The following ZNF567 variants were observed in gnomAD, a reference collection of about 807,000 sequenced individuals.
The protein encoded by ZNF567 is zinc finger protein 567.
Under a neutral mutation model 53.9 loss-of-function variants are expected in ZNF567, and 36 were observed. That is an observed-to-expected ratio of 0.67 (90% CI 0.51 to 0.88). ZNF567 has a LOEUF of 0.88. ZNF567 is among the 40% of genes least tolerant of loss of function. The pLI, the probability that ZNF567 is intolerant of heterozygous loss-of-function variation, is 0.00. For missense variants in ZNF567, 619 were observed against 764.7 expected (o/e 0.81, Z 2.25); for synonymous variants, 224 against 260.4 (o/e 0.86, Z 1.35).
chr19:36,724,894 C>T (rs2040329569), downstream of ZNF567, among the ~76,000 whole-genome samples: 1 of 150,966 alleles, frequency 6.6e-6, no homozygotes, highest in African/African-American at 2.4e-5. Flanking sequence ...ATATTCTTTC[C>T]ATCACTTATT....
At position 36,720,314 on chromosome 19, in the gene ZNF567, G is replaced by GA; in HGVS notation, c.1593dup (p.Pro532ThrfsTer5). 3 of 1,614,094 alleles carry GA rather than the reference G, an allele frequency of 1.9e-6. No homozygotes were observed. Among genetic ancestry groups the GA allele is most frequent in the Non-Finnish European group, 2.5e-6 (3 of 1,180,012 alleles). On this transcript the variant is annotated frameshift_variant, in exon 6 of 6. Transcript: ENST00000682579. LOFTEE classifies it high-confidence loss of function. Reference sequence around the variant, plus strand: ...TACATCAGAGAATTCATACAGGGGAGAAACCCTATGTTTGTAATGAATGTG... The same window carrying GA: ...TACATCAGAGAATTCATACAGGGGAGAAAACCCTATGTTTGTAATGAATGTG...
chr19:36,667,497 C>T, the ZNF567 span, among the ~76,000 whole-genome samples: 1 of 151,890 alleles, frequency 6.6e-6, no homozygotes, highest in Admixed American at 6.5e-5. Flanking sequence ...GCAACTCCTT[C>T]TCAAACAAAC....
At chr19:36,706,104 C>T (rs943601371) in intron 3 of ZNF567, among the ~76,000 whole-genome samples, 6 of 152,100 alleles carry the variant, frequency 3.9e-5, no homozygotes, top group African/African-American at 1.2e-4. Flanking sequence ...GGGGTCTGTT[C>T]TCTGCTTCCA....
upstream of ZNF567, chr19:36,685,965 A>C (rs916150738): frequency 6.6e-6 from 1 of 152,196 alleles, no homozygotes; most frequent in Non-Finnish European, 1.5e-5. Context: ...TCTCTCTCCA[A>C]GTGATCTTTA....
intron 3 of ZNF567, among the ~76,000 whole-genome samples, chr19:36,706,788 T>C (rs1372410782): frequency 6.7e-6 from 1 of 149,226 alleles, no homozygotes; most frequent in African/African-American, 2.5e-5. Context: ...CCTGAGTAGC[T>C]AGGACTGCAG....
intron 3 of ZNF567, among the ~76,000 whole-genome samples, chr19:36,708,270 G>T (rs2039602518): frequency 6.6e-6 from 1 of 151,958 alleles, no homozygotes; most frequent in Admixed American, 6.6e-5. Flanking sequence ...ATGAATATTA[G>T]TCCTATTTTG....
At chr19:36,712,653 C>A in intron 4 of ZNF567, 128 bp from the exon 5 acceptor site, 1 of 1,391,062 alleles carries the variant, frequency 7.2e-7, no homozygotes, top group Non-Finnish European at 1.0e-6. Flanking sequence ...TTCACTTACC[C>A]AGTGCAAGGT....
intron 3 of ZNF567, chr19:36,711,686 A>G (rs925657020): frequency 7.9e-5 from 12 of 152,232 alleles, no homozygotes; most frequent in African/African-American, 1.9e-4. Context: ...TTTGTGATAC[A>G]TGCTGTATCT....
the ZNF567 span, among the ~76,000 whole-genome samples, chr19:36,670,319 G>C: frequency 1.3e-5 from 2 of 152,150 alleles, no homozygotes; most frequent in East Asian, 3.9e-4. Flanking sequence ...CCTGTGGACT[G>C]AGGGCTGTTA....
At chr19:36,722,991 AATT>A (rs2040317257), downstream of ZNF567, among the ~76,000 whole-genome samples, 1 of 151,326 alleles carries the variant, frequency 6.6e-6, no homozygotes, top group South Asian at 2.1e-4. Context: ...GAATATAAAG[AATT>A]ATTAATAGGT....
At chr19:36,722,551 C>T (rs10421900), downstream of ZNF567, among the ~76,000 whole-genome samples, 2,271 of 152,316 alleles carry the variant, frequency 0.015, 55 homozygotes, top group African/African-American at 0.051. Flanking sequence ...CCATCCGCCT[C>T]AGCCTCCCAA....
chr19:36,714,201 G>A (rs539718796), intron 5 of ZNF567, among the ~76,000 whole-genome samples: 3 of 151,844 alleles, frequency 2.0e-5, no homozygotes, highest in African/African-American at 4.8e-5. Flanking sequence ...TTACTCTGTA[G>A]CCCAGGCTGG....
downstream of ZNF567, among the ~76,000 whole-genome samples, chr19:36,723,827 G>A (rs1298509097): frequency 1.3e-5 from 2 of 151,946 alleles, no homozygotes; most frequent in Admixed American, 1.3e-4. Context: ...GAGTGAGACT[G>A]TGTCTCAAAA....
downstream of ZNF567, among the ~76,000 whole-genome samples, chr19:36,726,885 T>C (rs959772058): frequency 2.0e-5 from 3 of 152,108 alleles, no homozygotes; most frequent in African/African-American, 7.2e-5. Context: ...TGTTACAGTC[T>C]ACTGAGAGTA....
In ZNF567 at chr19:36,715,776, G is replaced by A. The variant is rs142424409; in HGVS notation, c.223+2909G>A. ...ACTCCTGACCTCAGGCAATCTGCCC[G>A]TGTCAGCCTCCCAAAGTGCTGGGAT... On this transcript the variant is annotated intron_variant, in intron 5 of 5. Coordinates refer to ENST00000682579, the MANE Select transcript of ZNF567 (RefSeq NM_001322917.1). 2.8e-4 allele frequency among the ~76,000 whole-genome samples: 43 copies of A among 151,396 alleles called. No homozygotes were observed. In the East Asian group the frequency reaches 4.3e-3, roughly 15 times the overall value.
the ZNF567 span, among the ~76,000 whole-genome samples, chr19:36,671,603 CAG>C: frequency 1.3e-5 from 2 of 152,188 alleles, no homozygotes; most frequent in Non-Finnish European, 2.9e-5. Flanking sequence ...GTGTCAGTAG[CAG>C]AGAGGGATGC....
At chr19:36,715,446 C>T (rs1309297804) in intron 5 of ZNF567, among the ~76,000 whole-genome samples, 33 of 148,000 alleles carry the variant, frequency 2.2e-4, no homozygotes, top group Non-Finnish European at 3.7e-4. Context: ...CAGGCATGAG[C>T]CACCGTGCCT....
chr19:36,703,469 A>G (rs2039321888), intron 3 of ZNF567, among the ~76,000 whole-genome samples: 1 of 152,098 alleles, frequency 6.6e-6, no homozygotes, highest in Non-Finnish European at 1.5e-5. Flanking sequence ...GCTGTCAGAC[A>G]GGGACATTTA....
At chr19:36,713,021 C>T (rs1484686425) in intron 5 of ZNF567, among the ~76,000 whole-genome samples, 154 bp downstream of exon 5, 1 of 152,078 alleles carries the variant, frequency 6.6e-6, no homozygotes, top group African/African-American at 2.4e-5. Context: ...CAAAACCAGA[C>T]CTTTAGGCTA....
Sources: allele counts gnomAD v4.1 joint callset (sites outside exome capture counted in the v4.1 genomes callset), GRCh38; gene constraint gnomAD v4.1.1; transcripts MANE v1.5; gene names NCBI Gene and HGNC (gene_info 2026-07-23, HGNC 2026-07-21).